PATJ: variants seen among roughly 807,000 people sequenced by gnomAD.
The protein encoded by PATJ is PATJ crumbs cell polarity complex component, also known as inaD-like protein.
PATJ carries 190 observed loss-of-function variants against 224.9 expected under a neutral mutation model. That is an observed-to-expected ratio of 0.84 (90% CI 0.75 to 0.95). The LOEUF is 0.95. Ranked by LOEUF, PATJ falls within the 40% of genes least tolerant of loss-of-function variation. PATJ has a pLI of 0.00. For missense variants in PATJ, 2,121 were observed against 2,270.3 expected (o/e 0.93, Z 1.34); for synonymous variants, 769 against 820.3 (o/e 0.94, Z 1.07).
At chr1:62,067,332 T>C (rs1273363540) in intron 31 of PATJ, among the ~76,000 whole-genome samples, 1 of 151,720 alleles carries the variant, frequency 6.6e-6, no homozygotes, top group East Asian at 1.9e-4. Flanking sequence ...TTTCACCATG[T>C]TAGCCAGGAT....
chr1:62,130,536 TAATAAAA>T (rs1258460517), intron 41 of PATJ, among the ~76,000 whole-genome samples: 4 of 151,210 alleles, frequency 2.6e-5, no homozygotes, highest in East Asian at 1.9e-4. Context: ...TTAATTTTAA[TAATAAAA>T]AATAAAAATT....
chr1:61,925,864 C>A (rs1675119861), intron 26 of PATJ, among the ~76,000 whole-genome samples: 1 of 152,028 alleles, frequency 6.6e-6, no homozygotes, highest in South Asian at 2.1e-4. Context: ...GCTTAAGATT[C>A]CAATTTAGAT....
At chr1:62,031,171 C>A (rs4915793) in intron 29 of PATJ, among the ~76,000 whole-genome samples, 1 of 152,082 alleles carries the variant, frequency 6.6e-6, no homozygotes, top group African/African-American at 2.4e-5. Context: ...TGGTCATTCA[C>A]GTACCCAGGC....
chr1:61,785,339 A>T (rs929106515), intron 7 of PATJ, among the ~76,000 whole-genome samples: 11 of 152,214 alleles, frequency 7.2e-5, no homozygotes, highest in African/African-American at 2.7e-4. Flanking sequence ...ATCTACTAGC[A>T]GCCTTTGCTT....
In PATJ at chr1:62,144,771, A is replaced by ATATATAT. The variant is rs1439255158; in HGVS notation, c.5272-3513_5272-3512insTATATAT. Among the ~76,000 whole-genome samples the ATATATAT allele has an allele frequency of 6.3e-4, 46 of 73,296 alleles. 3 individuals are homozygous for ATATATAT. The highest frequency in any genetic ancestry group is 6.9e-3 in the Middle Eastern group (1 of 144). The allele number at this position is 73,296 out of a possible 152,430, so 48.1% of individuals were successfully genotyped here. On this transcript the variant is annotated intron_variant, in intron 41 of 43. Transcript: ENST00000642238. ...ATGCTCTAGAATGTTATTTGCAAAAAAAAAAAATATATATATATATATATA... is the reference window on the plus strand; with the variant it reads ...ATGCTCTAGAATGTTATTTGCAAAAATATATATAAAAAAATATATATATATATATATA...
At chr1:61,866,508 C>G (rs1199550692) in intron 20 of PATJ, among the ~76,000 whole-genome samples, 9 of 152,090 alleles carry the variant, frequency 5.9e-5, no homozygotes, top group Admixed American at 2.6e-4. Context: ...GATCGTTTAA[C>G]ACAGCTTTCC....
At chr1:62,160,761 TAAAAC>T in intron 43 of PATJ, 142 bp from the exon 44 acceptor site, 1 of 693,354 alleles carries the variant, frequency 1.4e-6, no homozygotes, top group Non-Finnish European at 2.3e-6. Context: ...TTTCCTAATT[TAAAAC>T]ATTACCTAGA....
intron 33 of PATJ, among the ~76,000 whole-genome samples, chr1:62,084,932 A>G (rs1196588260): frequency 6.6e-6 from 1 of 152,170 alleles, no homozygotes; most frequent in Non-Finnish European, 1.5e-5. Flanking sequence ...AGCCTGGGCA[A>G]CGTGGCGAAA....
chr1:61,987,082 T>G (rs1280459489), intron 27 of PATJ, among the ~76,000 whole-genome samples: 3 of 152,080 alleles, frequency 2.0e-5, no homozygotes, highest in Non-Finnish European at 4.4e-5. Flanking sequence ...ATACTGTGTT[T>G]CTTAATTTTC....
chr1:61,891,447 CAG>C (rs1669597008), intron 22 of PATJ, among the ~76,000 whole-genome samples: 1 of 152,100 alleles, frequency 6.6e-6, no homozygotes, highest in Non-Finnish European at 1.5e-5. Context: ...ATTTGCATTT[CAG>C]AGAGAGGGCT....
At chr1:61,909,032 T>G (rs1672239282) in intron 25 of PATJ, among the ~76,000 whole-genome samples, 2 of 152,178 alleles carry the variant, frequency 1.3e-5, no homozygotes, top group South Asian at 4.1e-4. Context: ...CAGTCTGGAG[T>G]GCAGTGGCAC....
intron 30 of PATJ, among the ~76,000 whole-genome samples, chr1:62,047,141 G>A (rs560944502): frequency 2.6e-5 from 4 of 152,296 alleles, no homozygotes; most frequent in Admixed American, 1.3e-4. Context: ...TTCAGCTGAC[G>A]CCTCTTCATG....
At chr1:62,104,282 A>C (rs1348390730) in intron 33 of PATJ, among the ~76,000 whole-genome samples, 1 of 152,198 alleles carries the variant, frequency 6.6e-6, no homozygotes, top group African/African-American at 2.4e-5. Flanking sequence ...AATAAAGGTC[A>C]GTCTTTCATT....
chr1:61,760,832 C>G (rs1329416115), intron 1 of PATJ, among the ~76,000 whole-genome samples: 1 of 151,926 alleles, frequency 6.6e-6, no homozygotes, highest in Non-Finnish European at 1.5e-5. Context: ...AGGCTGGTCT[C>G]GAATTCCTGA....
chr1:62,123,469 C>CTTT lies in PATJ; in HGVS notation c.5043+435_5043+437dup, dbSNP rs34621846. On this transcript the variant is annotated intron_variant, in intron 39 of 43. Coordinates refer to ENST00000642238, the MANE Select transcript of PATJ (RefSeq NM_001350145.3). ...CATCTTATGAATGTGCTATAAGTTT[C>CTTT]TTTTTTTTTTTTTTTTTTTTTTTTT... 4.2e-4 allele frequency among the ~76,000 whole-genome samples: 27 copies of CTTT among 64,560 alleles called. 1 individual carries two copies. Among genetic ancestry groups the CTTT allele is most frequent in the African/African-American group, 1.4e-3 (22 of 15,274 alleles). 42.4% of individuals were successfully genotyped at this position (64,560 alleles called of 152,430 possible).
At position 61,875,330 on chromosome 1, in the gene PATJ, A is replaced by G. The variant is rs767399113; in HGVS notation, c.2923A>G (p.Asn975Asp). ...ACAAGGCAGATTTGACGACCTGGAA[A>G]ATCTTAATTCATTAGCAAAAACTAG... The part of the protein sequence containing the change: ...SQQGRFDDLE[N>D]LNSLAKTSLD... The change falls in exon 21 of 44, where the codon AAT becomes GAT. Residue 975 changes from asparagine (N) to aspartate (D), a missense_variant. Transcript: ENST00000642238. 7 of 1,612,064 alleles carry G rather than the reference A, an allele frequency of 4.3e-6. No individual in the cohort carries two copies. The East Asian group carries it at 1.1e-4, about 26-fold the overall frequency.
intron 31 of PATJ, among the ~76,000 whole-genome samples, chr1:62,057,171 G>A (rs1053023850): frequency 3.3e-5 from 5 of 152,178 alleles, no homozygotes; most frequent in South Asian, 2.1e-4. Context: ...GAGTTGCTTC[G>A]TGCTAAGAGA....
chr1:62,155,933 C>T (rs1427148992), intron 43 of PATJ, among the ~76,000 whole-genome samples: 1 of 151,406 alleles, frequency 6.6e-6, no homozygotes, highest in Non-Finnish European at 1.5e-5. Context: ...TGGTAGGCGC[C>T]TGTAGTCCCA....
At chr1:61,930,928 C>A (rs1478575553) in intron 27 of PATJ, among the ~76,000 whole-genome samples, 1 of 152,174 alleles carries the variant, frequency 6.6e-6, no homozygotes, top group Non-Finnish European at 1.5e-5. Context: ...GTCTGAAACT[C>A]CCGACCTCAG....
Sources: gnomAD v4.1 joint callset for allele counts (sites outside exome capture counted in the v4.1 genomes callset) on GRCh38, gnomAD v4.1.1 for gene constraint, MANE v1.5 for transcripts, NCBI Gene and HGNC (gene_info 2026-07-23, HGNC 2026-07-21) for gene names.